The following GJB7 variants were observed in gnomAD, a reference collection of about 807,000 sequenced individuals.
GJB7 encodes gap junction protein beta 7.
For missense variants in GJB7, 253 were observed against 256.8 expected, an observed-to-expected ratio of 0.99 and a Z score of 0.10; for synonymous variants, 87 against 95.2, an observed-to-expected ratio of 0.91 and a Z score of 0.50.
At chr6:87,314,598 C>T (rs143462534) in intron 2 of GJB7, among the ~76,000 whole-genome samples, 2,233 of 152,276 alleles carry the variant, frequency 0.015, 41 homozygotes, top group African/African-American at 0.051. Context: ...CACTCTCTTC[C>T]ACTTAGCCCT....
intron 2 of GJB7, among the ~76,000 whole-genome samples, chr6:87,304,934 A>C (rs1315864161): frequency 6.6e-6 from 1 of 152,266 alleles, no homozygotes; most frequent in Non-Finnish European, 1.5e-5. Context: ...CCATACGATT[A>C]TCTCAATAGA....
intron 2 of GJB7, among the ~76,000 whole-genome samples, chr6:87,297,084 T>C (rs928734029): frequency 3.9e-5 from 6 of 152,234 alleles, no homozygotes; most frequent in Admixed American, 3.3e-4. Context: ...CTCTTTCTAC[T>C]GTAATTTTTC....
chr6:87,285,028 C>A (rs1776037151), intron 2 of GJB7, 89 bp from the exon 3 acceptor site: 1 of 815,016 alleles, frequency 1.2e-6, no homozygotes, highest in Non-Finnish European at 1.9e-6. Context: ...AGATAAATTA[C>A]AATTTCTGCA....
At chr6:87,285,772 T>G (rs188664890) in intron 2 of GJB7, among the ~76,000 whole-genome samples, 255 of 152,338 alleles carry the variant, frequency 1.7e-3, no homozygotes, top group African/African-American at 5.9e-3. Flanking sequence ...CTTATCTTGT[T>G]GACAGTCTTT....
chr6:87,289,741 A>G (rs1776134083), intron 2 of GJB7, among the ~76,000 whole-genome samples: 1 of 152,190 alleles, frequency 6.6e-6, no homozygotes, highest in Admixed American at 6.5e-5. Flanking sequence ...TTATTGCAGG[A>G]TGAGCTTTGC....
Position 87,292,481 on chromosome 6 carries a change from G to A in GJB7, c.-27-7542C>T, listed in dbSNP as rs542787527. On this transcript the variant is annotated intron_variant, in intron 2 of 2. Coordinates refer to ENST00000525899, the MANE Select transcript of GJB7 (RefSeq NM_198568.3). Reference sequence around the variant, plus strand: ...TGTAATGTATACTATTATAAAAAAAGCTAATAGTACAGCAGTAGAGAGAAG... The same window carrying A: ...TGTAATGTATACTATTATAAAAAAAACTAATAGTACAGCAGTAGAGAGAAG... Among the ~76,000 whole-genome samples the A allele has an allele frequency of 2.6e-5, 4 of 152,150 alleles. No individual in the cohort carries two copies. In the South Asian group the frequency reaches 8.3e-4, roughly 32 times the overall value.
intron 2 of GJB7, among the ~76,000 whole-genome samples, chr6:87,286,473 T>C (rs1016291680): frequency 6.6e-6 from 1 of 152,236 alleles, no homozygotes; most frequent in South Asian, 2.1e-4. Context: ...CATTAGGTTC[T>C]ATTTCCAGTC....
chr6:87,321,323 A>G (rs1054342039), intron 2 of GJB7, among the ~76,000 whole-genome samples: 3 of 152,138 alleles, frequency 2.0e-5, no homozygotes, highest in African/African-American at 7.2e-5. Context: ...CCATTTCAAA[A>G]TAGTCAAATA....
At chr6:87,320,990 G>T (rs989589317) in intron 2 of GJB7, among the ~76,000 whole-genome samples, 2 of 152,142 alleles carry the variant, frequency 1.3e-5, no homozygotes, top group African/African-American at 4.8e-5. Context: ...AGGCCGAGGT[G>T]GGTGGATTGC....
intron 2 of GJB7, among the ~76,000 whole-genome samples, chr6:87,307,836 G>T (rs1351239559): frequency 6.6e-6 from 1 of 152,170 alleles, no homozygotes; most frequent in Non-Finnish European, 1.5e-5. Context: ...CAAGGATCTA[G>T]AACTAGAAAT....
At chr6:87,298,670 T>C (rs1197437536) in intron 2 of GJB7, 2 of 176,928 alleles carry the variant, frequency 1.1e-5, no homozygotes, top group Non-Finnish European at 2.4e-5. Flanking sequence ...GTAAAATGCA[T>C]AATTTCAGCC....
chr6:87,319,767 G>T (rs1776629961), intron 2 of GJB7, among the ~76,000 whole-genome samples: 1 of 152,276 alleles, frequency 6.6e-6, no homozygotes, highest in Admixed American at 6.5e-5. Flanking sequence ...CAATTTAGAT[G>T]CAATCTAAGT....
At chr6:87,321,964 T>C (rs1776673188) in intron 2 of GJB7, among the ~76,000 whole-genome samples, 1 of 152,168 alleles carries the variant, frequency 6.6e-6, no homozygotes, top group African/African-American at 2.4e-5. Flanking sequence ...CAGTGACCTC[T>C]CACCAGGCCC....
At chr6:87,293,923 G>A (rs188312872) in intron 2 of GJB7, among the ~76,000 whole-genome samples, 2 of 152,326 alleles carry the variant, frequency 1.3e-5, no homozygotes, top group Admixed American at 1.3e-4. Flanking sequence ...GATCAGAAGA[G>A]GTTCTATGGA....
chr6:87,305,420 T>C (rs1776408755), intron 2 of GJB7, among the ~76,000 whole-genome samples: 1 of 152,108 alleles, frequency 6.6e-6, no homozygotes, highest in South Asian at 2.1e-4. Context: ...TGAATTCCCA[T>C]TCACAATTGC....
At position 87,306,795 on chromosome 6, in the gene GJB7, A is replaced by T. The variant is rs1776434985; in HGVS notation, c.-28+16071T>A. On this transcript the variant is annotated intron_variant, in intron 2 of 2. Coordinates refer to ENST00000525899, the MANE Select transcript of GJB7 (RefSeq NM_198568.3). The stretch of plus-strand genomic sequence containing the variant: ...CAACCCTAATGTCCAACAATGATAG[A>T]CTGGATTAAGAAAATGTGGCACATA... Among the ~76,000 whole-genome samples, 4 of 152,234 alleles carry T rather than the reference A, an allele frequency of 2.6e-5. No individual in the cohort carries two copies. In the South Asian group the frequency reaches 8.3e-4, roughly 32 times the overall value.
chr6:87,284,966 A>T (rs770613827), intron 2 of GJB7, 27 bp from the exon 3 acceptor site: 6 of 1,368,254 alleles, frequency 4.4e-6, no homozygotes, highest in Non-Finnish European at 6.1e-6. Flanking sequence ...TTTCATCAGG[A>T]TCCATTTATT....
chr6:87,303,716 A>G (rs1158941299), intron 2 of GJB7, among the ~76,000 whole-genome samples: 1 of 152,228 alleles, frequency 6.6e-6, no homozygotes, highest in African/African-American at 2.4e-5. Context: ...AATCAACAGA[A>G]TATACCTTCT....
At chr6:87,286,793 T>G (rs1476498634) in intron 2 of GJB7, among the ~76,000 whole-genome samples, 1 of 152,222 alleles carries the variant, frequency 6.6e-6, no homozygotes, top group Non-Finnish European at 1.5e-5. Context: ...TGTCTTTGTT[T>G]GCCTTATGAT....
Sources: allele counts gnomAD v4.1 joint callset (sites outside exome capture counted in the v4.1 genomes callset), GRCh38; gene constraint gnomAD v4.1.1; transcripts MANE v1.5; gene names NCBI Gene and HGNC (gene_info 2026-07-23, HGNC 2026-07-21).